HDAC4: variants seen among roughly 807,000 people sequenced by gnomAD.
The protein encoded by HDAC4 is histone deacetylase 4, also known as histone deacetylase A.
In HDAC4, 16 loss-of-function variants were observed where a neutral mutation model predicts 135.1. The observed-to-expected ratio is 0.12, with a 90% CI of 0.08 to 0.18. The LOEUF is 0.18. Ranked by LOEUF, HDAC4 falls within the 10% of genes least tolerant of loss-of-function variation. The pLI, the probability that HDAC4 is intolerant of heterozygous loss-of-function variation, is 1.00. For synonymous variants in HDAC4, 685 were observed against 653.4 expected (o/e 1.05, Z -0.74); for missense variants, 1,143 against 1,511.8 (o/e 0.76, Z 4.05).
rs1271435396 is a variant in HDAC4, at chr2:239,307,881, G to C, written c.22+44797C>G. Among the ~76,000 whole-genome samples, 1 of 152,130 alleles carries C rather than the reference G, an allele frequency of 6.6e-6. No homozygotes were observed. The highest frequency in any genetic ancestry group is 2.4e-5 in the African/African-American group (1 of 41,428). On this transcript the variant is annotated intron_variant, in intron 2 of 26. Transcript: ENST00000543185. The surrounding 1 kb of genome is among the most constrained non-coding windows in gnomAD (Gnocchi z 4.8). ...TCACACACGTCTCCACGCACCCCGA[G>C]CCACATCACGTTTTGCCACTATCTC... is the stretch of plus-strand genomic sequence containing the variant.
At position 239,314,348 on chromosome 2, in the gene HDAC4, G is replaced by T. The variant is rs576426272; in HGVS notation, c.22+38330C>A. 3.3e-5 allele frequency among the ~76,000 whole-genome samples: 5 copies of T among 152,298 alleles called. No homozygotes were observed. The South Asian group carries it at 1.0e-3, about 32-fold the overall frequency. On this transcript the variant is annotated intron_variant, in intron 2 of 26. Coordinates refer to ENST00000543185, the MANE Select transcript of HDAC4 (RefSeq NM_001378414.1). ...GAAGGACACTCGACAAAACAAGAGAGGTCATCCAGGGTCAGGCTGGAGCTA... is the reference window on the plus strand; with the variant it reads ...GAAGGACACTCGACAAAACAAGAGATGTCATCCAGGGTCAGGCTGGAGCTA...
At chr2:239,145,353 G>A (rs1209205341) in intron 7 of HDAC4, among the ~76,000 whole-genome samples, 2 of 152,196 alleles carry the variant, frequency 1.3e-5, no homozygotes, top group Non-Finnish European at 1.5e-5. Context: ...CCTTTCATCT[G>A]ACCACAGGGT....
At chr2:239,101,392 G>A (rs563253770) in intron 16 of HDAC4, among the ~76,000 whole-genome samples, 1 of 152,196 alleles carries the variant, frequency 6.6e-6, no homozygotes, top group African/African-American at 2.4e-5. Context: ...GTGAGTGAAC[G>A]CATGAAGGAC....
At chr2:239,348,000 T>C (rs1318632532) in intron 2 of HDAC4, among the ~76,000 whole-genome samples, 478 of 100,658 alleles carry the variant, frequency 4.7e-3, no homozygotes, top group Middle Eastern at 0.025. Flanking sequence ...ATCGAGAGCA[T>C]CATCCCGGTG....
rs10175140 is a variant in HDAC4 at position 239,384,414 on chromosome 2, G to A, written c.-220+16564C>T. On this transcript the variant is annotated intron_variant, in intron 1 of 26. Coordinates refer to ENST00000543185, the MANE Select transcript of HDAC4 (RefSeq NM_001378414.1). ...GGATCCCTTGAGACCAGGAGCTCAAGACCAGCCTGGACAACATAGTGAGAC... is the reference window on the plus strand; with the variant it reads ...GGATCCCTTGAGACCAGGAGCTCAAAACCAGCCTGGACAACATAGTGAGAC... Among the ~76,000 whole-genome samples the A allele has an allele frequency of 4.6e-3, 630 of 136,358 alleles. 7 individuals are homozygous for A. Among genetic ancestry groups the A allele is most frequent in the African/African-American group, 0.017 (600 of 35,762 alleles). The allele number at this position is 136,358 out of a possible 152,430, so 89.5% of individuals were successfully genotyped here.
chr2:239,144,495 T>C, intron 8 of HDAC4, 88 bp downstream of exon 8: 1 of 1,567,652 alleles, frequency 6.4e-7, no homozygotes, highest in Non-Finnish European at 8.8e-7. Context: ...ACACGTGGGT[T>C]TTCAGAAGCT....
At chr2:239,372,725 C>T (rs1352687659) in intron 1 of HDAC4, among the ~76,000 whole-genome samples, 2 of 152,246 alleles carry the variant, frequency 1.3e-5, no homozygotes, top group Middle Eastern at 3.2e-3. Flanking sequence ...CTCTTTCCTG[C>T]TCTCTCCACC....
chr2:239,253,988 C>T (rs965078562), intron 2 of HDAC4, among the ~76,000 whole-genome samples: 2 of 152,162 alleles, frequency 1.3e-5, no homozygotes, highest in Admixed American at 6.5e-5. Context: ...AAACCCCACC[C>T]ACCAGGCCTG....
Position 239,400,927 on chromosome 2 carries a change from G to A in HDAC4, c.-220+51C>T, listed in dbSNP as rs1278039420. The A allele has an allele frequency of 6.7e-6, 1 of 149,748 alleles. No individual in the cohort carries two copies. The highest frequency in any genetic ancestry group is 1.5e-5 in the Non-Finnish European group (1 of 66,948). The allele number at this position is 149,748 out of a possible 1,614,324, so 9.3% of individuals were successfully genotyped here. ...CGGGCGGCGGCGGGGACGGTGCTCC[G>A]CGGCGGCGGCCCCACAACCTCCCCT... On this transcript the variant is annotated intron_variant, in intron 1 of 26. Transcript: ENST00000543185. The surrounding 1 kb of genome is among the most constrained non-coding windows in gnomAD (Gnocchi z 4.7).
At position 239,113,381 on chromosome 2, in the gene HDAC4, C is replaced by T. The variant is rs116454245; in HGVS notation, c.1792-1669G>A. Among the ~76,000 whole-genome samples the T allele has an allele frequency of 5.6e-3, 851 of 152,284 alleles. 7 individuals are homozygous for T. Among genetic ancestry groups the T allele is most frequent in the African/African-American group, 0.02 (817 of 41,560 alleles). ...CACAGGCCCCCAGTCTGCTGCTGAC[C>T]AAATTCAGCTGGGATTGCCGTGGGC... is the stretch of plus-strand genomic sequence containing the variant. On this transcript the variant is annotated intron_variant, in intron 13 of 26. Coordinates refer to ENST00000543185, the MANE Select transcript of HDAC4 (RefSeq NM_001378414.1).
At chr2:239,124,735 C>CCGCGTTATATGACATTCCGGTG (rs1559475417) in intron 12 of HDAC4, among the ~76,000 whole-genome samples, 3 of 130,446 alleles carry the variant, frequency 2.3e-5, no homozygotes, top group African/African-American at 8.4e-5. Context: ...TGGCGTGTGG[C>CCGCGTTATATGACATTCCGGTG]TGCGTTATAT....
At chr2:239,390,568 T>C (rs1014753975) in intron 1 of HDAC4, among the ~76,000 whole-genome samples, 1 of 151,892 alleles carries the variant, frequency 6.6e-6, no homozygotes, top group African/African-American at 2.4e-5. Context: ...GATATATATA[T>C]ATATTGGAAG....
chr2:239,130,398 C>G (rs2040489866), intron 11 of HDAC4, among the ~76,000 whole-genome samples: 2 of 152,216 alleles, frequency 1.3e-5, no homozygotes, highest in Admixed American at 6.5e-5. Context: ...GCACCCTCCA[C>G]TCAGCATGTG....
At chr2:239,125,446 A>G (rs1410238438) in intron 12 of HDAC4, among the ~76,000 whole-genome samples, 1 of 152,214 alleles carries the variant, frequency 6.6e-6, no homozygotes, top group African/African-American at 2.4e-5. Context: ...CAGAACCAGA[A>G]GCCAATCAGA....
chr2:239,132,175 T>G (rs2040634234), intron 11 of HDAC4, among the ~76,000 whole-genome samples: 2 of 151,988 alleles, frequency 1.3e-5, no homozygotes, highest in South Asian at 4.1e-4. Flanking sequence ...GGCACATGAG[T>G]GCACAGCCCA....
At chr2:239,344,717 G>A (rs1010661439) in intron 2 of HDAC4, among the ~76,000 whole-genome samples, 1 of 152,186 alleles carries the variant, frequency 6.6e-6, no homozygotes, top group Non-Finnish European at 1.5e-5. Context: ...GGTGCTGTGC[G>A]TCAGAAAACG....
chr2:239,063,261 C>A (rs964407681), intron 24 of HDAC4, among the ~76,000 whole-genome samples: 3 of 151,748 alleles, frequency 2.0e-5, no homozygotes, highest in East Asian at 3.9e-4. Flanking sequence ...AGTGTGGTGG[C>A]GCGATCTCGG....
At chr2:239,383,109 C>A (rs1048082329) in intron 1 of HDAC4, among the ~76,000 whole-genome samples, 23 of 152,204 alleles carry the variant, frequency 1.5e-4, no homozygotes, top group Admixed American at 1.4e-3. Flanking sequence ...ACCCAGTGTT[C>A]TCCAACACGG....
At chr2:239,151,679 C>T (rs1271752692) in intron 7 of HDAC4, among the ~76,000 whole-genome samples, 1 of 152,236 alleles carries the variant, frequency 6.6e-6, no homozygotes, top group Non-Finnish European at 1.5e-5. Context: ...TCACACCCAA[C>T]TGTGGGGACC....
Sources: gnomAD v4.1 joint callset for allele counts (sites outside exome capture counted in the v4.1 genomes callset) on GRCh38, gnomAD v4.1.1 for gene constraint, Gnocchi (gnomAD v3.1) non-coding constraint, MANE v1.5 for transcripts, NCBI Gene and HGNC (gene_info 2026-07-23, HGNC 2026-07-21) for gene names.